CLSTN2: variants seen among roughly 807,000 people sequenced by gnomAD.
CLSTN2 encodes calsyntenin 2.
In CLSTN2, 48 loss-of-function variants were observed where a neutral mutation model predicts 101.2. The observed-to-expected ratio is 0.47, with a 90% confidence interval of 0.38 to 0.60. The LOEUF is 0.60. Among genes scored for constraint, CLSTN2 ranks in the 20% least tolerant of loss-of-function variants. CLSTN2 has a pLI of 0.00. For synonymous variants in CLSTN2, 481 were observed against 463.6 expected, an observed-to-expected ratio of 1.04 and a Z score of -0.48; for missense variants, 1,160 against 1,238.2, an observed-to-expected ratio of 0.94 and a Z score of 0.95.
intron 5 of CLSTN2, among the ~76,000 whole-genome samples, chr3:140,443,312 T>C (rs1279225826): frequency 6.6e-6 from 1 of 152,266 alleles, no homozygotes; most frequent in Non-Finnish European, 1.5e-5. Context: ...ATTGGAACAA[T>C]GGACGGAACG....
At chr3:140,018,384 T>C (rs994209126) in intron 1 of CLSTN2, among the ~76,000 whole-genome samples, 1 of 152,220 alleles carries the variant, frequency 6.6e-6, no homozygotes, top group Non-Finnish European at 1.5e-5. Context: ...GAAGTCCTGC[T>C]TGAGCACGGG....
intron 1 of CLSTN2, among the ~76,000 whole-genome samples, chr3:140,074,788 T>A (rs1200264125): frequency 6.6e-6 from 1 of 152,178 alleles, no homozygotes; most frequent in Non-Finnish European, 1.5e-5. Context: ...TCTTCTTTCA[T>A]ATCACCTGTG....
intron 8 of CLSTN2, among the ~76,000 whole-genome samples, chr3:140,509,702 G>C (rs1934770697): frequency 6.6e-6 from 1 of 152,152 alleles, no homozygotes; most frequent in African/African-American, 2.4e-5. Flanking sequence ...GCTCCTGCAG[G>C]AGACAGCACA....
intron 2 of CLSTN2, among the ~76,000 whole-genome samples, chr3:140,342,582 A>G (rs983349072): frequency 6.6e-6 from 1 of 152,154 alleles, no homozygotes; most frequent in East Asian, 1.9e-4. Flanking sequence ...ATCTATTGCC[A>G]TGTAACAACG....
chr3:140,108,335 A>G (rs1315926985), intron 1 of CLSTN2, among the ~76,000 whole-genome samples: 1 of 152,192 alleles, frequency 6.6e-6, no homozygotes, highest in African/African-American at 2.4e-5. Flanking sequence ...ATTACTTAGA[A>G]GTCAAAGTCT....
At chr3:140,558,908 C>A in intron 12 of CLSTN2, 51 bp downstream of exon 12, 2 of 1,444,030 alleles carry the variant, frequency 1.4e-6, no homozygotes, top group Non-Finnish European at 9.7e-7. Context: ...TTTTTTACAG[C>A]CATGTGAAAA....
At chr3:140,421,478 T>C (rs1261284874) in intron 5 of CLSTN2, among the ~76,000 whole-genome samples, 1 of 152,230 alleles carries the variant, frequency 6.6e-6, no homozygotes, top group Non-Finnish European at 1.5e-5. Flanking sequence ...AGACATCTCC[T>C]CTAACCTCAT....
At chr3:140,367,117 A>C (rs2087800015) in intron 2 of CLSTN2, among the ~76,000 whole-genome samples, 1 of 152,194 alleles carries the variant, frequency 6.6e-6, no homozygotes. Context: ...TGCTTTAGAC[A>C]CCAGAAGAAT....
At chr3:140,278,280 G>C (rs2086813145) in intron 2 of CLSTN2, among the ~76,000 whole-genome samples, 1 of 152,168 alleles carries the variant, frequency 6.6e-6, no homozygotes, top group African/African-American at 2.4e-5. Context: ...AGGTATGCAT[G>C]GTCCTCACAC....
intron 5 of CLSTN2, among the ~76,000 whole-genome samples, chr3:140,440,116 C>G (rs2088743660): frequency 1.3e-5 from 2 of 152,084 alleles, no homozygotes; most frequent in Admixed American, 1.3e-4. Flanking sequence ...CAAGGTGAGG[C>G]CAATACCAAT....
intron 1 of CLSTN2, among the ~76,000 whole-genome samples, chr3:140,091,492 C>G (rs535243465): frequency 3.0e-4 from 45 of 152,308 alleles, no homozygotes; most frequent in African/African-American, 1.0e-3. Context: ...CGGTATGTGG[C>G]AGTCACAGAA....
rs144634685 is a variant in CLSTN2 at position 140,301,708 on chromosome 3, C to G, written c.233-101921C>G. Among the ~76,000 whole-genome samples, 475 of 152,340 alleles carry G rather than the reference C, an allele frequency of 3.1e-3. 7 individuals carry two copies. Among genetic ancestry groups the G allele is most frequent in the East Asian group, 0.022 (113 of 5,184 alleles). On this transcript the variant is annotated intron_variant, in intron 2 of 16. Transcript: ENST00000458420. The stretch of plus-strand genomic sequence containing the variant: ...TAGAGAAAAGAATCTCAAGGACTTA[C>G]AGTTGGCTAACTTGCCAGGCTTCAG...
intron 2 of CLSTN2, among the ~76,000 whole-genome samples, chr3:140,187,859 C>T (rs1257875280): frequency 2.6e-5 from 4 of 152,162 alleles, no homozygotes; most frequent in African/African-American, 9.7e-5. Context: ...TGTAGTCAGA[C>T]AGCAGGGGAG....
chr3:140,320,185 A>G (rs575361071), intron 2 of CLSTN2, among the ~76,000 whole-genome samples: 3 of 152,310 alleles, frequency 2.0e-5, no homozygotes, highest in African/African-American at 7.2e-5. Context: ...CGTGAGACCT[A>G]AAGAACCTAA....
Position 140,205,624 on chromosome 3 carries a change from CA to C in CLSTN2, c.232+29552del, listed in dbSNP as rs1466787767. Among the ~76,000 whole-genome samples, 380 of 108,324 alleles carry C rather than the reference CA, an allele frequency of 3.5e-3. 6 individuals are homozygous for C. The highest frequency in any genetic ancestry group is 0.011 in the African/African-American group (357 of 31,550). 71.1% of individuals were successfully genotyped at this position (108,324 alleles called of 152,430 possible). A position where few individuals can be genotyped will look rare whatever the true frequency, so the allele number is the denominator to read the frequency against. ...TGTTGTTTGGACCTGACCCGCCCCC[CA>C]CCCACACACACACACAGCCACCTGC... is the stretch of plus-strand genomic sequence containing the variant. On this transcript the variant is annotated intron_variant, in intron 2 of 16. Transcript: ENST00000458420.
chr3:139,954,067 G>A (rs529858431), intron 1 of CLSTN2, among the ~76,000 whole-genome samples: 29 of 152,044 alleles, frequency 1.9e-4, no homozygotes, highest in African/African-American at 3.6e-4. Flanking sequence ...AAATTGTTTC[G>A]TCACCCAGGT....
intron 2 of CLSTN2, among the ~76,000 whole-genome samples, chr3:140,209,292 C>T (rs2010825509): frequency 6.6e-6 from 1 of 152,218 alleles, no homozygotes; most frequent in African/African-American, 2.4e-5. Flanking sequence ...TAGGCATTGA[C>T]TTTGCATCTC....
At chr3:140,155,849 C>T (rs190399063) in intron 1 of CLSTN2, among the ~76,000 whole-genome samples, 4 of 152,326 alleles carry the variant, frequency 2.6e-5, no homozygotes. Context: ...CATGACAATT[C>T]AGTGCATTGA....
chr3:140,552,827 G>C (rs1576624021), intron 10 of CLSTN2, among the ~76,000 whole-genome samples: 1 of 152,202 alleles, frequency 6.6e-6, no homozygotes, highest in Admixed American at 6.5e-5. Context: ...CGGACAGATA[G>C]CAACAGCACA....
Sources: gnomAD v4.1 joint callset for allele counts (sites outside exome capture counted in the v4.1 genomes callset) on GRCh38, gnomAD v4.1.1 for gene constraint, MANE v1.5 for transcripts, NCBI Gene and HGNC (gene_info 2026-07-23, HGNC 2026-07-21) for gene names.